Variants in SIMC1 observed in about 807,000 individuals in gnomAD.
SIMC1 encodes the protein SUMO-interacting motif-containing protein 1.
SIMC1 carries 55 observed loss-of-function variants against 82.3 expected under a neutral mutation model. The observed-to-expected ratio is 0.67, with a 90% CI of 0.54 to 0.84. The LOEUF is 0.84. Ranked by LOEUF, SIMC1 falls within the 40% of genes least tolerant of loss-of-function variation. SIMC1 has a pLI of 0.00. For synonymous variants in SIMC1, 353 were observed against 426.3 expected (o/e 0.83, Z 2.12); for missense variants, 915 against 1,107.2 (o/e 0.83, Z 2.46).
At chr5:176,254,835 C>CATGG (rs1206274901) in intron 1 of SIMC1, among the ~76,000 whole-genome samples, 1 of 152,182 alleles carries the variant, frequency 6.6e-6, no homozygotes, top group Non-Finnish European at 1.5e-5. Flanking sequence ...TAAGAATACT[C>CATGG]ATGGATAGTT....
chr5:176,323,537 T>A (rs1440105034), intron 6 of SIMC1, among the ~76,000 whole-genome samples: 1 of 152,326 alleles, frequency 6.6e-6, no homozygotes, highest in South Asian at 2.1e-4. Flanking sequence ...TTTTTATAGA[T>A]GAGAACACTT....
At chr5:176,312,585 A>T (rs1405141560) in intron 4 of SIMC1, among the ~76,000 whole-genome samples, 8 of 152,098 alleles carry the variant, frequency 5.3e-5, no homozygotes, top group Non-Finnish European at 1.0e-4. Context: ...ATGATTTTTT[A>T]AAAAAGCATT....
In SIMC1 at chr5:176,345,270, T is replaced by C; in HGVS notation, c.2501T>C (p.Val834Ala). The C allele has an allele frequency of 6.2e-7, 1 of 1,613,926 alleles. No homozygotes were observed. Among genetic ancestry groups the C allele is most frequent in the Non-Finnish European group, 8.5e-7 (1 of 1,179,866 alleles). Reference sequence around the variant, plus strand: ...CCCCAGCAAGGAGATGACATCACAGTGGTAGACGTAGAGAAGCAGATTGAG... The same window carrying C: ...CCCCAGCAAGGAGATGACATCACAGCGGTAGACGTAGAGAAGCAGATTGAG... Reference protein sequence around the residue: ...PKPQQGDDITVVDVEKQIEAF... With the variant: ...PKPQQGDDITAVDVEKQIEAF... The change falls in exon 10 of 10, where the codon GTG (valine) becomes GCG (alanine). Residue 834 changes from valine (V) to alanine (A), a missense_variant. Physicochemically the swap from Val to Ala is moderately conservative, Grantham distance 64. Around this residue, in one of 2 missense-constraint regions of SIMC1, gnomAD observed 902 missense variants for 1,040.3 expected, o/e 0.87. Coordinates refer to ENST00000429602, the MANE Select transcript of SIMC1 (RefSeq NM_001308195.2).
chr5:176,292,868 T>C (rs1405859031), intron 2 of SIMC1, among the ~76,000 whole-genome samples: 1 of 152,184 alleles, frequency 6.6e-6, no homozygotes, highest in East Asian at 1.9e-4. Context: ...TGTGAATAAT[T>C]TGATGTCTTT....
intron 1 of SIMC1, among the ~76,000 whole-genome samples, chr5:176,253,843 A>G (rs1428627572): frequency 6.6e-6 from 1 of 152,220 alleles, no homozygotes; most frequent in Non-Finnish European, 1.5e-5. Flanking sequence ...GTAAAATGAT[A>G]ATCTCGGTTT....
intron 1 of SIMC1, among the ~76,000 whole-genome samples, chr5:176,284,400 GAAC>G (rs1763166681): frequency 1.4e-5 from 2 of 145,652 alleles, no homozygotes; most frequent in Admixed American, 1.4e-4. Context: ...CATGGAAACT[GAAC>G]AACCTGCTAT....
intron 5 of SIMC1, among the ~76,000 whole-genome samples, chr5:176,315,482 G>A (rs1764858978): frequency 1.3e-5 from 2 of 152,126 alleles, no homozygotes. Context: ...GTATCAGATG[G>A]GTTTATCCAG....
rs939022144 is a variant in SIMC1, at chr5:176,276,964, G to C, written c.130-12690G>C. 2.2e-4 allele frequency among the ~76,000 whole-genome samples: 33 copies of C among 151,038 alleles called. 1 individual carries two copies. The highest frequency in any genetic ancestry group is 4.4e-4 in the Non-Finnish European group (30 of 67,696). On this transcript the variant is annotated intron_variant, in intron 1 of 9. Transcript: ENST00000429602. ...TTATAGTCCTTTGGGTATATACCCA[G>C]TAATGGGATGGCTGGGTCAAATGGT... is the stretch of plus-strand genomic sequence containing the variant.
At chr5:176,345,122 C>A in intron 9 of SIMC1, 61 bp from the exon 10 acceptor site, 1 of 1,548,632 alleles carries the variant, frequency 6.5e-7, no homozygotes, top group South Asian at 1.3e-5. Flanking sequence ...CAAAATTAGA[C>A]TTCTTAAAAA....
intron 1 of SIMC1, among the ~76,000 whole-genome samples, chr5:176,265,203 C>T (rs1331134223): frequency 6.6e-6 from 1 of 152,148 alleles, no homozygotes; most frequent in Non-Finnish European, 1.5e-5. Context: ...AGAAATTCAA[C>T]ACAAGCCTTG....
intron 1 of SIMC1, among the ~76,000 whole-genome samples, chr5:176,247,787 G>A (rs947914256): frequency 3.3e-5 from 5 of 151,558 alleles, no homozygotes; most frequent in Non-Finnish European, 5.9e-5. Flanking sequence ...TTTTGTATAA[G>A]GTGTAAGGAA....
rs1766459999 is a variant in SIMC1 at position 176,345,949 on chromosome 5, A to G, written c.*504A>G. The G allele has an allele frequency of 6.6e-6, 1 of 152,220 alleles. No individual in the cohort carries two copies. Among genetic ancestry groups the G allele is most frequent in the Non-Finnish European group, 1.5e-5 (1 of 68,034 alleles). The allele number at this position is 152,220 out of a possible 1,614,324, so 9.4% of individuals were successfully genotyped here. A position where few individuals can be genotyped will look rare whatever the true frequency, so the allele number is the denominator to read the frequency against. The stretch of plus-strand genomic sequence containing the variant: ...GATCAAGTGTGTTATAAAACATTTG[A>G]TGTTAAAAGGAGACAATAAAAAGGC... On this transcript the variant is annotated 3_prime_UTR_variant, in exon 10 of 10. Coordinates refer to ENST00000429602, the MANE Select transcript of SIMC1 (RefSeq NM_001308195.2).
intron 1 of SIMC1, among the ~76,000 whole-genome samples, chr5:176,287,928 A>G (rs1763369865): frequency 6.6e-6 from 1 of 152,150 alleles, no homozygotes; most frequent in Non-Finnish European, 1.5e-5. Context: ...TGGAGACATG[A>G]TAGAGGAAGG....
At chr5:176,247,590 T>C (rs1436492049) in intron 1 of SIMC1, among the ~76,000 whole-genome samples, 3 of 152,286 alleles carry the variant, frequency 2.0e-5, no homozygotes, top group East Asian at 1.9e-4. Flanking sequence ...TTTCTTTTGC[T>C]GTGCAGAAGC....
chr5:176,305,608 C>A (rs1468987804), intron 4 of SIMC1, among the ~76,000 whole-genome samples: 1 of 143,432 alleles, frequency 7.0e-6, no homozygotes, highest in Non-Finnish European at 1.5e-5. Context: ...CCCGGCCAAC[C>A]CCCCCGTCTG....
At chr5:176,304,397 C>T (rs1375196125) in intron 4 of SIMC1, 22 of 176,604 alleles carry the variant, frequency 1.2e-4, no homozygotes, top group South Asian at 4.2e-4. Context: ...CTGTGTTGGC[C>T]GGGCCGGTCT....
chr5:176,272,188 AAAAAAAAAAAG>A (rs1229882104), intron 1 of SIMC1, among the ~76,000 whole-genome samples: 5 of 143,260 alleles, frequency 3.5e-5, no homozygotes, highest in Non-Finnish European at 7.6e-5. Context: ...AAAAAAAAAA[AAAAAAAAAAAG>A]GTGGGCATGG....
At chr5:176,270,993 T>TG (rs1561681425) in intron 1 of SIMC1, among the ~76,000 whole-genome samples, 2 of 152,134 alleles carry the variant, frequency 1.3e-5, no homozygotes, top group Non-Finnish European at 2.9e-5. Context: ...AGACACCAGC[T>TG]GGGGCAGCCA....
intron 1 of SIMC1, among the ~76,000 whole-genome samples, chr5:176,277,739 G>A (rs1762780682): frequency 1.3e-5 from 2 of 151,956 alleles, no homozygotes; most frequent in Admixed American, 1.3e-4. Context: ...TCTCAGGTTT[G>A]TCAAAGATCA....
Sources: allele counts gnomAD v4.1 joint callset (sites outside exome capture counted in the v4.1 genomes callset), GRCh38; gene constraint gnomAD v4.1.1; regional missense constraint gnomAD v4.1.1; transcripts MANE v1.5; gene names NCBI Gene and HGNC (gene_info 2026-07-23, HGNC 2026-07-21).